Variants in ANAPC10 observed in about 807,000 individuals in gnomAD.
The protein encoded by ANAPC10 is anaphase-promoting complex subunit 10.
In ANAPC10, 12 loss-of-function variants were observed where a neutral mutation model predicts 22.0. The ratio of observed to expected loss-of-function variants is 0.55; its 90% CI spans 0.35 to 0.88. The LOEUF is 0.88. ANAPC10 is among the 40% of genes least tolerant of loss of function. The pLI is 0.01. For missense variants in ANAPC10, 188 were observed against 220.9 expected (o/e 0.85, Z 0.94); for synonymous variants, 65 against 69.5 (o/e 0.94, Z 0.32).
At chr4:144,997,979 A>G (rs984007885) in intron 4 of ANAPC10, among the ~76,000 whole-genome samples, 5 of 152,232 alleles carry the variant, frequency 3.3e-5, no homozygotes, top group Admixed American at 2.0e-4. Context: ...CAAAAGAGAC[A>G]AAGAAGGCCA....
chr4:145,085,133 C>T (rs937387230), intron 2 of ANAPC10, among the ~76,000 whole-genome samples: 5 of 152,064 alleles, frequency 3.3e-5, no homozygotes, highest in African/African-American at 1.2e-4. Flanking sequence ...AAAACTTAGC[C>T]AGGCGTGATG....
chr4:145,004,803 T>G (rs966953346), intron 4 of ANAPC10, among the ~76,000 whole-genome samples: 15 of 152,160 alleles, frequency 9.9e-5, no homozygotes, highest in African/African-American at 3.4e-4. Flanking sequence ...GGCCTGAAGT[T>G]TTCTTTTTTG....
chr4:145,040,814 C>A (rs1739396100), intron 4 of ANAPC10, among the ~76,000 whole-genome samples: 1 of 152,020 alleles, frequency 6.6e-6, no homozygotes, highest in Non-Finnish European at 1.5e-5. Flanking sequence ...ACTCAAAAAG[C>A]CATAATTCTA....
chr4:145,065,676 T>C (rs1743570080), intron 3 of ANAPC10, among the ~76,000 whole-genome samples: 3 of 152,016 alleles, frequency 2.0e-5, no homozygotes, highest in Admixed American at 6.6e-5. Context: ...AATTACAATA[T>C]AGCCATTCAA....
rs1226804955 is a variant in ANAPC10 at position 144,995,954 on chromosome 4, AC to A, written c.328-352del. Among the ~76,000 whole-genome samples the A allele has an allele frequency of 3.9e-5, 6 of 152,376 alleles. 1 individual carries two copies. Among genetic ancestry groups the A allele is most frequent in the African/African-American group, 7.2e-5 (3 of 41,598 alleles). The stretch of plus-strand genomic sequence containing the variant: ...ATGTGAAACACAGATGGCTGACTAG[AC>A]ACAAGTAGTATGTGCCTCCTCCATG... On this transcript the variant is annotated intron_variant, in intron 4 of 4. Coordinates refer to ENST00000507656, the MANE Select transcript of ANAPC10 (RefSeq NM_001256706.2).
chr4:145,054,843 C>A (rs1283236278), intron 4 of ANAPC10, among the ~76,000 whole-genome samples: 1 of 151,958 alleles, frequency 6.6e-6, no homozygotes, highest in Non-Finnish European at 1.5e-5. Flanking sequence ...TATGTATCTA[C>A]CCTCGCATCT....
chr4:145,047,599 A>G (rs958112082), intron 4 of ANAPC10, among the ~76,000 whole-genome samples: 1 of 152,166 alleles, frequency 6.6e-6, no homozygotes, highest in Non-Finnish European at 1.5e-5. Context: ...TCTCAAAGTC[A>G]GGAACACTTC....
chr4:144,999,618 C>A (rs899810140), intron 4 of ANAPC10, among the ~76,000 whole-genome samples: 2 of 152,124 alleles, frequency 1.3e-5, no homozygotes, highest in African/African-American at 4.8e-5. Flanking sequence ...GTGAAAATGG[C>A]CACAGTGCCC....
At chr4:145,069,285 G>A (rs1405589003) in intron 3 of ANAPC10, among the ~76,000 whole-genome samples, 1 of 150,698 alleles carries the variant, frequency 6.6e-6, no homozygotes, top group Non-Finnish European at 1.5e-5. Flanking sequence ...ACTGCAATGT[G>A]AAGAGGGAGA....
intron 4 of ANAPC10, among the ~76,000 whole-genome samples, chr4:145,045,163 T>C (rs960931446): frequency 6.6e-6 from 1 of 152,122 alleles, no homozygotes; most frequent in African/African-American, 2.4e-5. Context: ...TATTATTTAT[T>C]TTTTTAAAAA....
At chr4:145,059,726 C>T (rs1224797052) in intron 4 of ANAPC10, among the ~76,000 whole-genome samples, 1 of 151,896 alleles carries the variant, frequency 6.6e-6, no homozygotes, top group Non-Finnish European at 1.5e-5. Flanking sequence ...TTAAAAACAA[C>T]AATAACTAGT....
chr4:145,023,440 T>A (rs1324219700), intron 4 of ANAPC10, among the ~76,000 whole-genome samples: 1 of 152,160 alleles, frequency 6.6e-6, no homozygotes, highest in East Asian at 1.9e-4. Context: ...TTTACCTATA[T>A]AATCTGTAGT....
chr4:145,064,951 G>T (rs886105409), intron 3 of ANAPC10, among the ~76,000 whole-genome samples: 2 of 151,904 alleles, frequency 1.3e-5, no homozygotes, highest in Non-Finnish European at 2.9e-5. Flanking sequence ...AGCAAAGAAG[G>T]ATCAGTTAAG....
At chr4:145,007,582 G>A (rs1186433934) in intron 4 of ANAPC10, among the ~76,000 whole-genome samples, 1 of 152,118 alleles carries the variant, frequency 6.6e-6, no homozygotes, top group South Asian at 2.1e-4. Flanking sequence ...TGACTACTGG[G>A]TACATAACGA....
At chr4:145,042,731 T>A (rs957615112) in intron 4 of ANAPC10, among the ~76,000 whole-genome samples, 2 of 147,820 alleles carry the variant, frequency 1.4e-5, no homozygotes, top group Non-Finnish European at 3.0e-5. Context: ...GAACTTTCAG[T>A]AAAAAAAAAA....
intron 4 of ANAPC10, among the ~76,000 whole-genome samples, chr4:144,997,391 A>G (rs1283578104): frequency 6.6e-6 from 1 of 152,212 alleles, no homozygotes; most frequent in Non-Finnish European, 1.5e-5. Flanking sequence ...CAGATCTCTC[A>G]CCAGAAACTC....
intron 2 of ANAPC10, among the ~76,000 whole-genome samples, chr4:145,095,450 C>T (rs1336126000): frequency 2.0e-5 from 3 of 152,126 alleles, no homozygotes; most frequent in Non-Finnish European, 2.9e-5. Flanking sequence ...ACTACCTGAC[C>T]GTTAGCCATC....
chr4:145,073,769 CT>C (rs977121546), intron 3 of ANAPC10, among the ~76,000 whole-genome samples: 3 of 151,780 alleles, frequency 2.0e-5, no homozygotes, highest in Non-Finnish European at 4.4e-5. Context: ...TTCTTGTGTC[CT>C]TTTCTATTTC....
At chr4:145,089,985 C>T (rs554824120) in intron 2 of ANAPC10, among the ~76,000 whole-genome samples, 1 of 152,248 alleles carries the variant, frequency 6.6e-6, no homozygotes, top group East Asian at 1.9e-4. Context: ...CTTCTATAAT[C>T]AGGCTTCTAC....
Sources: gnomAD v4.1 joint callset for allele counts (sites outside exome capture counted in the v4.1 genomes callset) on GRCh38, gnomAD v4.1.1 for gene constraint, MANE v1.5 for transcripts, NCBI Gene and HGNC (gene_info 2026-07-23, HGNC 2026-07-21) for gene names.